The following ERCC6L variants were observed in gnomAD, a reference collection of about 807,000 sequenced individuals.
ERCC6L encodes ERCC excision repair 6 like, spindle assembly checkpoint helicase.
A neutral mutation model predicts 20.1 loss-of-function variants in ERCC6L; 7 were observed. The ratio of observed to expected loss-of-function variants is 0.35; its 90% CI spans 0.20 to 0.65. The LOEUF is 0.65. Among genes scored for constraint, ERCC6L ranks in the 30% least tolerant of loss-of-function variants. The pLI, the probability that ERCC6L is intolerant of heterozygous loss-of-function variation, is 0.69. For synonymous variants in ERCC6L, 278 were observed against 331.3 expected (o/e 0.84, Z 1.75); for missense variants, 592 against 892.4 (o/e 0.66, Z 4.29).
intron 1 of ERCC6L, among the ~76,000 whole-genome samples, chrX:72,237,165 C>G (rs2043021446): frequency 9.0e-6 from 1 of 111,637 alleles, no homozygotes; most frequent in African/African-American, 3.3e-5. Context: ...CAAAGGCTGC[C>G]TATTACAACA....
At chrX:72,222,015 C>G (rs929783412) in intron 1 of ERCC6L, among the ~76,000 whole-genome samples, 1 of 109,697 alleles carries the variant, frequency 9.1e-6, no homozygotes, top group Non-Finnish European at 1.9e-5. Flanking sequence ...CCTTCCAAAC[C>G]CTCCACCCCA....
chrX:72,232,110 A>AAC (rs1044180424), intron 1 of ERCC6L, among the ~76,000 whole-genome samples: 1 of 109,739 alleles, frequency 9.1e-6, no homozygotes, highest in Non-Finnish European at 1.9e-5. Context: ...GTACTCCATA[A>AAC]ACATGTATAA....
In ERCC6L at chrX:72,206,628, T is replaced by C; in HGVS notation, c.2139A>G (p.Gln713=). Reference sequence around the variant, plus strand: ...GTTGTTCCATCAGGAACTCTTTATTTTGAGACTCGAATTCAACGAGGAATT... The same window carrying C: ...GTTGTTCCATCAGGAACTCTTTATTCTGAGACTCGAATTCAACGAGGAATT... ...KAQFLVEFES[Q]NKEFLMEQQR... Residue 713 remains glutamine (Q), a synonymous_variant, in exon 2 of 2, where the codon CAA becomes CAG. Transcript: ENST00000334463. 1 of 1,211,546 alleles carries C rather than the reference T, an allele frequency of 8.3e-7. No individual in the cohort carries two copies. Among genetic ancestry groups the C allele is most frequent in the Non-Finnish European group, 1.1e-6 (1 of 895,498 alleles).
intron 1 of ERCC6L, among the ~76,000 whole-genome samples, chrX:72,213,004 A>G (rs920317532): frequency 7.1e-5 from 8 of 112,167 alleles, no homozygotes; most frequent in Non-Finnish European, 1.3e-4. Context: ...ACTCAATAAA[A>G]CTTTGTTTTC....
chrX:72,238,715 A>G, intron 1 of ERCC6L, 129 bp downstream of exon 1: 1 of 573,855 alleles, frequency 1.7e-6, no homozygotes, highest in Non-Finnish European at 2.7e-6. Context: ...CTACTGCGAG[A>G]AGAGCGCGAG....
intron 1 of ERCC6L, among the ~76,000 whole-genome samples, chrX:72,233,487 G>C (rs1009950615): frequency 9.0e-6 from 1 of 111,344 alleles, no homozygotes; most frequent in African/African-American, 3.3e-5. Flanking sequence ...ACTTTGGGAG[G>C]CCGAGGCAGG....
chrX:72,219,072 G>A (rs1435809229), intron 1 of ERCC6L, among the ~76,000 whole-genome samples: 2 of 108,268 alleles, frequency 1.8e-5, no homozygotes, highest in Non-Finnish European at 3.8e-5. Flanking sequence ...CCTGGCCAAC[G>A]CAGTGAAACC....
chrX:72,236,147 G>T (rs1180326128), intron 1 of ERCC6L, among the ~76,000 whole-genome samples: 1 of 111,293 alleles, frequency 9.0e-6, no homozygotes, highest in Non-Finnish European at 1.9e-5. Flanking sequence ...GTGTAATAAT[G>T]TAAGTGTAAT....
intron 1 of ERCC6L, among the ~76,000 whole-genome samples, chrX:72,215,351 A>G (rs1222868775): frequency 8.9e-6 from 1 of 111,895 alleles, no homozygotes; most frequent in Non-Finnish European, 1.9e-5. Context: ...TGTACACTTA[A>G]GATTTGTGCA....
intron 1 of ERCC6L, among the ~76,000 whole-genome samples, chrX:72,214,367 T>C (rs1046290906): frequency 1.8e-4 from 20 of 111,853 alleles, no homozygotes; most frequent in African/African-American, 5.5e-4. Flanking sequence ...CATTTAAGAG[T>C]CAAAAAAACA....
At chrX:72,210,452 G>A (rs776602881) in intron 1 of ERCC6L, among the ~76,000 whole-genome samples, 15 of 110,939 alleles carry the variant, frequency 1.4e-4, no homozygotes, top group Non-Finnish European at 1.9e-4. Context: ...TTTGGAAAGC[G>A]GTCTTGATCT....
rs1401840923 is a variant in ERCC6L at position 72,206,674 on chromosome X, T to C, written c.2093A>G (p.Gln698Arg). 1 of 1,211,450 alleles carries C rather than the reference T, an allele frequency of 8.3e-7. No individual in the cohort carries two copies. The highest frequency in any genetic ancestry group is 1.7e-5 in the African/African-American group (1 of 57,810). The change falls in exon 2 of 2, where the codon CAA becomes CGA. Residue 698 changes from glutamine to arginine, a missense_variant. Gln to Arg is a conservative substitution (Grantham distance 43). Coordinates refer to ENST00000334463, the MANE Select transcript of ERCC6L (RefSeq NM_017669.4). ...GAATTGAGCTTTCTGAACCCTTTGTTGAATATAGTGAGATTCTTCTACCAC... is the reference window on the plus strand; with the variant it reads ...GAATTGAGCTTTCTGAACCCTTTGTCGAATATAGTGAGATTCTTCTACCAC... ...LDVVEESHYI[Q>R]QRVQKAQFLV...
At chrX:72,224,646 G>A (rs769870711) in intron 1 of ERCC6L, among the ~76,000 whole-genome samples, 1 of 111,409 alleles carries the variant, frequency 9.0e-6, no homozygotes, top group Non-Finnish European at 1.9e-5. Context: ...CTCGGAGGCT[G>A]AGGCAAGAGA....
chrX:72,232,035 C>T (rs914513950), intron 1 of ERCC6L, among the ~76,000 whole-genome samples: 2 of 108,765 alleles, frequency 1.8e-5, no homozygotes, highest in African/African-American at 3.4e-5. Flanking sequence ...ACTATGATGG[C>T]GCCACTGCAC....
At chrX:72,215,832 C>T (rs909302984) in intron 1 of ERCC6L, among the ~76,000 whole-genome samples, 2 of 110,640 alleles carry the variant, frequency 1.8e-5, no homozygotes, top group African/African-American at 6.6e-5. Flanking sequence ...GAAGTTTTCC[C>T]TCCCGCTTGG....
chrX:72,210,201 A>AT lies in ERCC6L; in HGVS notation c.69-1504_69-1503insA, dbSNP rs1263276767. 2.4e-4 allele frequency among the ~76,000 whole-genome samples: 21 copies of AT among 86,884 alleles called. No individual in the cohort carries two copies. In the South Asian group the frequency reaches 3.9e-3, roughly 16 times the overall value. 75.4% of individuals were successfully genotyped at this position (86,884 alleles called of 115,157 possible). A position where few individuals can be genotyped will look rare whatever the true frequency, so the allele number is the denominator to read the frequency against. On this transcript the variant is annotated intron_variant, in intron 1 of 1. Transcript: ENST00000334463. ...AATAACATAGCGAGACTGTCTCTTA[A>AT]AAAATAAATAAATAAATAAATAAAT...
intron 1 of ERCC6L, among the ~76,000 whole-genome samples, chrX:72,236,484 C>T (rs1220929037): frequency 6.3e-5 from 7 of 110,670 alleles, no homozygotes; most frequent in Non-Finnish European, 1.3e-4. Context: ...TTAGTAGAGA[C>T]GGGGCTTCAC....
rs139572093 is a variant in ERCC6L, at chrX:72,229,858, T to C, written c.68+8986A>G. 3.6e-3 allele frequency among the ~76,000 whole-genome samples: 408 copies of C among 111,896 alleles called. 2 individuals carry two copies. The highest frequency in any genetic ancestry group is 0.013 in the African/African-American group (388 of 30,811). On this transcript the variant is annotated intron_variant, in intron 1 of 1. Coordinates refer to ENST00000334463, the MANE Select transcript of ERCC6L (RefSeq NM_017669.4). Reference sequence around the variant, plus strand: ...TACTTTAAGGCTGTTTCAACAGAACTACAGAACTCATTAGAAGACACAGCC... The same window carrying C: ...TACTTTAAGGCTGTTTCAACAGAACCACAGAACTCATTAGAAGACACAGCC...
chrX:72,238,654 C>T (rs2043031165), intron 1 of ERCC6L, among the ~76,000 whole-genome samples, 190 bp downstream of exon 1: 1 of 112,701 alleles, frequency 8.9e-6, no homozygotes, highest in Non-Finnish European at 1.9e-5. Context: ...GCATCGGGGT[C>T]TCCTCAGGTT....
Sources: allele counts gnomAD v4.1 joint callset (sites outside exome capture counted in the v4.1 genomes callset), GRCh38; gene constraint gnomAD v4.1.1; transcripts MANE v1.5; gene names NCBI Gene and HGNC (gene_info 2026-07-23, HGNC 2026-07-21).